The following FBXL13 variants were observed in gnomAD, a reference collection of about 807,000 sequenced individuals.
The protein encoded by FBXL13 is F-box and leucine rich repeat protein 13, also known as F-box and leucine-rich repeat protein 13.
FBXL13 carries 67 observed loss-of-function variants against 83.6 expected under a neutral mutation model. That is an observed-to-expected ratio of 0.80 (90% CI 0.66 to 0.98). FBXL13 has a LOEUF of 0.98. FBXL13 is among the 50% of genes least tolerant of loss of function. The pLI, the probability that FBXL13 is intolerant of heterozygous loss-of-function variation, is 0.00. For synonymous variants in FBXL13, 272 were observed against 299.5 expected (o/e 0.91, Z 0.95); for missense variants, 822 against 866.5 (o/e 0.95, Z 0.64).
At chr7:102,888,041 A>C (rs926827966) in intron 11 of FBXL13, among the ~76,000 whole-genome samples, 2 of 152,222 alleles carry the variant, frequency 1.3e-5, no homozygotes, top group African/African-American at 2.4e-5. Context: ...TCTTTCAGGG[A>C]AACACTAACT....
At chr7:103,039,741 A>G (rs1419482010) in intron 2 of FBXL13, among the ~76,000 whole-genome samples, 1 of 152,192 alleles carries the variant, frequency 6.6e-6, no homozygotes, top group African/African-American at 2.4e-5. Context: ...TCATAAGTGA[A>G]GGAGAAATAA....
chr7:102,983,611 G>C (rs748346062), intron 6 of FBXL13, among the ~76,000 whole-genome samples: 2 of 151,750 alleles, frequency 1.3e-5, no homozygotes, highest in Non-Finnish European at 2.9e-5. Flanking sequence ...GTAGAGACGG[G>C]GTTTCACCAT....
intron 6 of FBXL13, among the ~76,000 whole-genome samples, chr7:103,021,089 A>G (rs554542599): frequency 4.6e-5 from 7 of 152,228 alleles, no homozygotes; most frequent in Non-Finnish European, 1.0e-4. Context: ...ACTATACTAC[A>G]AAGCTACAGT....
intron 2 of FBXL13, among the ~76,000 whole-genome samples, chr7:103,032,066 C>G (rs2129489498): frequency 6.6e-6 from 1 of 152,218 alleles, no homozygotes; most frequent in East Asian, 1.9e-4. Context: ...AGCACACACA[C>G]TAGTTTCAAG....
chr7:102,931,818 T>C, intron 9 of FBXL13, 63 bp downstream of exon 10: 1 of 1,478,670 alleles, frequency 6.8e-7, no homozygotes, highest in South Asian at 1.2e-5. Context: ...TTCTGCATAT[T>C]GGCACCCCAA....
chr7:102,825,199 C>T (rs1237735356), intron 18 of FBXL13, among the ~76,000 whole-genome samples: 1 of 152,036 alleles, frequency 6.6e-6, no homozygotes, highest in Admixed American at 6.6e-5. Flanking sequence ...AATGTTTGTT[C>T]CCTCCAAAAC....
intron 2 of FBXL13, among the ~76,000 whole-genome samples, chr7:103,037,506 A>T (rs2129490693): frequency 6.6e-6 from 1 of 152,062 alleles, no homozygotes; most frequent in Admixed American, 6.5e-5. Flanking sequence ...AATATTTTGT[A>T]TTTTATTTTA....
chr7:102,992,081 CTT>C (rs1829630044), intron 6 of FBXL13, among the ~76,000 whole-genome samples: 1 of 152,144 alleles, frequency 6.6e-6, no homozygotes. Flanking sequence ...TCCTAATGCT[CTT>C]AGAGAAATCT....
chr7:102,912,681 CCCCA>C (rs1814963376), intron 11 of FBXL13, among the ~76,000 whole-genome samples: 2 of 140,718 alleles, frequency 1.4e-5, no homozygotes, highest in African/African-American at 5.2e-5. Context: ...ACCCCCCCCC[CCCCA>C]AAAAAAAACC....
At chr7:102,931,823 C>T (rs1819230024) in intron 9 of FBXL13, 58 bp downstream of exon 10, 1 of 1,505,764 alleles carries the variant, frequency 6.6e-7, no homozygotes, top group Non-Finnish European at 9.2e-7. Context: ...CATATTGGCA[C>T]CCCAATGTAG....
At chr7:102,885,221 G>A (rs1278309549) in intron 11 of FBXL13, among the ~76,000 whole-genome samples, 1 of 152,148 alleles carries the variant, frequency 6.6e-6, no homozygotes, top group Non-Finnish European at 1.5e-5. Context: ...TTCTTCAGGT[G>A]CTGCACCATT....
chr7:103,028,679 T>C, exon 4 of FBXL13: 4 of 1,604,682 alleles, frequency 2.5e-6, no homozygotes, highest in Non-Finnish European at 3.4e-6. Context: ...AATTGTAGCA[T>C]GTCACTGCTC....
chr7:102,933,888 G>C, intron 8 of FBXL13: 1 of 1,568,988 alleles, frequency 6.4e-7, no homozygotes. Flanking sequence ...GTAACACGAA[G>C]TAATTGGGGC....
intron 6 of FBXL13, among the ~76,000 whole-genome samples, chr7:103,000,409 T>C (rs1264095320): frequency 1.3e-4 from 20 of 152,238 alleles, no homozygotes; most frequent in Non-Finnish European, 1.5e-5. Context: ...AAGTTGCTTT[T>C]GTTGTTTATT....
At position 103,015,035 on chromosome 7, in the gene FBXL13, G is replaced by T. The variant is rs566632337; in HGVS notation, c.495+10028C>A. On this transcript the variant is annotated intron_variant, in intron 6 of 19. Coordinates refer to ENST00000313221, the Ensembl canonical transcript of FBXL13. ...GCTTCCTCCCTAAGATGCAAGGTTGGTTCAACACATGCAAATCAATAAATG... is the reference window on the plus strand; with the variant it reads ...GCTTCCTCCCTAAGATGCAAGGTTGTTTCAACACATGCAAATCAATAAATG... Among the ~76,000 whole-genome samples the T allele has an allele frequency of 1.0e-3, 155 of 151,820 alleles. 1 individual carries two copies. The highest frequency in any genetic ancestry group is 1.9e-3 in the Non-Finnish European group (127 of 67,970).
chr7:102,897,758 T>C (rs1812432745), intron 11 of FBXL13, among the ~76,000 whole-genome samples: 1 of 152,204 alleles, frequency 6.6e-6, no homozygotes, highest in African/African-American at 2.4e-5. Flanking sequence ...ATAGTCACCA[T>C]AGGAATTCCT....
chr7:102,817,954 A>T (rs1459573416), intron 19 of FBXL13, among the ~76,000 whole-genome samples: 1 of 152,218 alleles, frequency 6.6e-6, no homozygotes, highest in Non-Finnish European at 1.5e-5. Context: ...TTCAAACATG[A>T]TATGTCATAG....
intron 17 of FBXL13, among the ~76,000 whole-genome samples, chr7:102,847,872 C>T (rs1804308075): frequency 6.6e-6 from 1 of 152,098 alleles, no homozygotes; most frequent in Non-Finnish European, 1.5e-5. Context: ...TGACCATCAT[C>T]TATTGGTTTT....
At chr7:102,913,566 G>A (rs1815199706) in intron 10 of FBXL13, among the ~76,000 whole-genome samples, 1 of 152,172 alleles carries the variant, frequency 6.6e-6, no homozygotes, top group Non-Finnish European at 1.5e-5. Flanking sequence ...TTTGCAGAGT[G>A]TATTGTTGCT....
Sources: allele counts gnomAD v4.1 joint callset (sites outside exome capture counted in the v4.1 genomes callset), GRCh38; gene constraint gnomAD v4.1.1; transcripts MANE v1.5; gene names NCBI Gene and HGNC (gene_info 2026-07-23, HGNC 2026-07-21).